The following INPP4B variants were observed in gnomAD, a reference collection of about 807,000 sequenced individuals.
INPP4B encodes inositol polyphosphate 4-phosphatase type II.
In INPP4B, 55 loss-of-function variants were observed where a neutral mutation model predicts 122.5. That is an observed-to-expected ratio of 0.45 (90% CI 0.36 to 0.56). The LOEUF (loss-of-function observed/expected upper bound fraction) is 0.56. Ranked by LOEUF, INPP4B falls within the 20% of genes least tolerant of loss-of-function variation. INPP4B has a pLI of 0.00. For synonymous variants in INPP4B, 403 were observed against 388.7 expected, an observed-to-expected ratio of 1.04 and a Z score of -0.43; for missense variants, 1,000 against 1,097.7, an observed-to-expected ratio of 0.91 and a Z score of 1.26.
chr4:142,495,223 G>T (rs899562030), intron 2 of INPP4B, among the ~76,000 whole-genome samples: 1 of 144,804 alleles, frequency 6.9e-6, no homozygotes, highest in Non-Finnish European at 1.5e-5. Flanking sequence ...ATTTCCTTGG[G>T]ATTGATTCCC....
chr4:142,322,483 A>C (rs536151128), intron 7 of INPP4B, among the ~76,000 whole-genome samples: 29 of 152,294 alleles, frequency 1.9e-4, no homozygotes, highest in Admixed American at 3.3e-4. Context: ...GTTTGAGACA[A>C]TAGGAATTGG....
intron 14 of INPP4B, among the ~76,000 whole-genome samples, chr4:142,197,731 A>C (rs570912623): frequency 6.6e-6 from 1 of 152,304 alleles, no homozygotes; most frequent in East Asian, 1.9e-4. Context: ...CTGAATCGTT[A>C]CTTTAGTAGG....
At chr4:142,161,654 TTAGAG>T (rs1203691876) in intron 16 of INPP4B, among the ~76,000 whole-genome samples, 1 of 151,932 alleles carries the variant, frequency 6.6e-6, no homozygotes, top group African/African-American at 2.4e-5. Context: ...ACTAAATTAT[TTAGAG>T]TAGACTCTAA....
At position 142,530,454 on chromosome 4, in the gene INPP4B, T is replaced by C. The variant is rs77436573; in HGVS notation, c.-190-67728A>G. Among the ~76,000 whole-genome samples the C allele has an allele frequency of 2.5e-3, 377 of 151,938 alleles. 1 individual carries two copies. The highest frequency in any genetic ancestry group is 8.9e-3 in the African/African-American group (370 of 41,446). On this transcript the variant is annotated intron_variant, in intron 2 of 25. Coordinates refer to ENST00000262992, the MANE Select transcript of INPP4B (RefSeq NM_001101669.3). ...TGAAAAGTTGAAGTCCCAATTGTCA[T>C]AGAGCTTACATTTCAGTGGAAGGAA...
At chr4:142,703,824 G>A (rs980201749) in intron 2 of INPP4B, among the ~76,000 whole-genome samples, 1 of 152,198 alleles carries the variant, frequency 6.6e-6, no homozygotes, top group Admixed American at 6.5e-5. Flanking sequence ...CAGGAAACAA[G>A]TGAACTAGCA....
At chr4:142,532,310 G>A (rs1827711537) in intron 2 of INPP4B, among the ~76,000 whole-genome samples, 2 of 152,180 alleles carry the variant, frequency 1.3e-5, no homozygotes, top group South Asian at 2.1e-4. Flanking sequence ...GAATAGCCCT[G>A]CTCCCTCCCA....
intron 1 of INPP4B, among the ~76,000 whole-genome samples, chr4:142,828,387 A>G (rs1781690165): frequency 6.6e-6 from 1 of 152,186 alleles, no homozygotes; most frequent in Non-Finnish European, 1.5e-5. Flanking sequence ...GAAAAGGAAC[A>G]GCTGAAGAAA....
intron 2 of INPP4B, among the ~76,000 whole-genome samples, chr4:142,510,386 C>T (rs1824558808): frequency 6.6e-6 from 1 of 152,102 alleles, no homozygotes; most frequent in Non-Finnish European, 1.5e-5. Flanking sequence ...AGCAGGTTAC[C>T]TGATTTCATT....
intron 1 of INPP4B, among the ~76,000 whole-genome samples, chr4:142,809,736 C>T (rs945082992): frequency 6.6e-6 from 1 of 152,088 alleles, no homozygotes; most frequent in Non-Finnish European, 1.5e-5. Flanking sequence ...GGTCTTTCTT[C>T]CCCTGTTTTC....
At chr4:142,826,755 C>T (rs1029237846) in intron 1 of INPP4B, among the ~76,000 whole-genome samples, 4 of 152,218 alleles carry the variant, frequency 2.6e-5, no homozygotes, top group African/African-American at 9.6e-5. Flanking sequence ...CCACTTTGGT[C>T]TTCACAAACT....
chr4:142,189,949 C>A (rs187650047), intron 15 of INPP4B, among the ~76,000 whole-genome samples: 21 of 152,226 alleles, frequency 1.4e-4, no homozygotes, highest in African/African-American at 4.6e-4. Flanking sequence ...GGTTGTATGA[C>A]CTGAATTGCT....
In INPP4B at chr4:142,374,939, C is replaced by T. The variant is rs78916862; in HGVS notation, c.372+27999G>A. On this transcript the variant is annotated intron_variant, in intron 7 of 25. Transcript: ENST00000262992. ...CAGTGACTTCTAGTAAAGGTAGGAA[C>T]AATTACCAAGAGATCTCCAGCTCTC... 5.9e-3 allele frequency among the ~76,000 whole-genome samples: 898 copies of T among 151,914 alleles called. 9 individuals are homozygous for T. Among genetic ancestry groups the T allele is most frequent in the African/African-American group, 0.02 (842 of 41,504 alleles).
chr4:142,051,999 A>C (rs141687384), intron 25 of INPP4B, among the ~76,000 whole-genome samples: 1 of 152,112 alleles, frequency 6.6e-6, no homozygotes, highest in African/African-American at 2.4e-5. Context: ...CACCGTTCTC[A>C]TCTCTTCATT....
At chr4:142,787,875 T>C (rs1358503176) in intron 1 of INPP4B, among the ~76,000 whole-genome samples, 1 of 151,586 alleles carries the variant, frequency 6.6e-6, no homozygotes, top group Non-Finnish European at 1.5e-5. Flanking sequence ...TGGTGTAGAC[T>C]TGAGGAATCA....
At chr4:142,222,456 C>T (rs974344202) in intron 12 of INPP4B, among the ~76,000 whole-genome samples, 2 of 152,138 alleles carry the variant, frequency 1.3e-5, no homozygotes, top group African/African-American at 4.8e-5. Flanking sequence ...AGCCTAGGCA[C>T]CCATAGTATC....
chr4:142,171,896 C>G (rs1255320459), intron 16 of INPP4B, among the ~76,000 whole-genome samples: 1 of 151,782 alleles, frequency 6.6e-6, no homozygotes, highest in Non-Finnish European at 1.5e-5. Flanking sequence ...CAAATCCCTG[C>G]CCAGTGCACA....
intron 7 of INPP4B, among the ~76,000 whole-genome samples, chr4:142,376,179 C>G (rs914745318): frequency 6.6e-6 from 1 of 151,892 alleles, no homozygotes; most frequent in Admixed American, 6.6e-5. Context: ...ACAACTGAAA[C>G]CTAGTGTAGC....
In INPP4B at chr4:142,734,409, C is replaced by T. The variant is rs144017511; in HGVS notation, c.-253-8508G>A. ...ACATTTATATAAAAGTGGGAGGAAA[C>T]GCTCTGAGGAGGATACAGTACCTGA... is the stretch of plus-strand genomic sequence containing the variant. On this transcript the variant is annotated intron_variant, in intron 1 of 25. Coordinates refer to ENST00000262992, the MANE Select transcript of INPP4B (RefSeq NM_001101669.3). 8.3e-4 allele frequency among the ~76,000 whole-genome samples: 127 copies of T among 152,206 alleles called. No individual in the cohort carries two copies. The East Asian group carries it at 0.022, about 26-fold the overall frequency.
chr4:142,056,236 G>C (rs1269789579), intron 25 of INPP4B, among the ~76,000 whole-genome samples: 2 of 152,036 alleles, frequency 1.3e-5, no homozygotes, highest in Non-Finnish European at 2.9e-5. Flanking sequence ...AGGGGGTTGG[G>C]AACCCCTGCT....
Sources: allele counts gnomAD v4.1 joint callset (sites outside exome capture counted in the v4.1 genomes callset), GRCh38; gene constraint gnomAD v4.1.1; transcripts MANE v1.5; gene names NCBI Gene and HGNC (gene_info 2026-07-23, HGNC 2026-07-21).